The following PTPRT variants were observed in gnomAD, a reference collection of about 807,000 sequenced individuals.
The protein encoded by PTPRT is protein tyrosine phosphatase receptor type T.
In PTPRT, 56 loss-of-function variants were observed where a neutral mutation model predicts 176.8. That is an observed-to-expected ratio of 0.32 (90% CI 0.26 to 0.40). The LOEUF is 0.40. Among genes scored for constraint, PTPRT ranks in the 10% least tolerant of loss-of-function variants. The pLI is 1.00. For missense variants in PTPRT, 1,540 were observed against 1,908.2 expected (o/e 0.81, Z 3.60); for synonymous variants, 783 against 739.0 (o/e 1.06, Z -0.96).
intron 1 of PTPRT, among the ~76,000 whole-genome samples, chr20:43,049,447 T>C (rs1484360467): frequency 6.6e-6 from 1 of 152,124 alleles, no homozygotes; most frequent in African/African-American, 2.4e-5. Context: ...TGCCAATGTA[T>C]TTCCCAAGAA....
intron 1 of PTPRT, among the ~76,000 whole-genome samples, chr20:43,046,818 T>C (rs1220035651): frequency 2.6e-5 from 4 of 152,170 alleles, no homozygotes; most frequent in East Asian, 3.9e-4. Flanking sequence ...AGCTCTGCTA[T>C]TGATGAAGGC....
chr20:42,379,523 T>C (rs1482266100), intron 9 of PTPRT, among the ~76,000 whole-genome samples: 3 of 152,218 alleles, frequency 2.0e-5, no homozygotes, highest in Admixed American at 6.5e-5. Flanking sequence ...CCTCTCACTC[T>C]TACTTTTCCT....
At chr20:42,683,484 G>A (rs944838001) in intron 6 of PTPRT, among the ~76,000 whole-genome samples, 1 of 152,064 alleles carries the variant, frequency 6.6e-6, no homozygotes, top group Non-Finnish European at 1.5e-5. Context: ...CTCCATGTTT[G>A]CCAGGCAGGT....
chr20:42,848,000 C>T lies in PTPRT; in HGVS notation c.214+37807G>A, dbSNP rs117569613. Among the ~76,000 whole-genome samples, 143 of 152,220 alleles carry T rather than the reference C, an allele frequency of 9.4e-4. No individual in the cohort carries two copies. The East Asian group carries it at 0.019, about 20-fold the overall frequency. ...CCTCACCCCCCTCCCACCCTTTCCCCGAGTCCCCAAAGTCATTGTGTCATT... is the reference window on the plus strand; with the variant it reads ...CCTCACCCCCCTCCCACCCTTTCCCTGAGTCCCCAAAGTCATTGTGTCATT... On this transcript the variant is annotated intron_variant, in intron 2 of 30. Transcript: ENST00000373187.
At chr20:42,110,226 T>G (rs903044183) in intron 23 of PTPRT, 107 bp downstream of exon 23, 3 of 1,058,850 alleles carry the variant, frequency 2.8e-6, no homozygotes, top group Non-Finnish European at 3.9e-6. Context: ...TTTTGTATCT[T>G]TCTTTAGTAG....
chr20:42,358,424 G>T (rs1318877282), intron 9 of PTPRT, among the ~76,000 whole-genome samples: 3 of 152,184 alleles, frequency 2.0e-5, no homozygotes, highest in Non-Finnish European at 4.4e-5. Flanking sequence ...TGGTGAGGGA[G>T]ATAGGTATGG....
chr20:42,633,977 ATTATATATTAT>A (rs2074497978), intron 7 of PTPRT, among the ~76,000 whole-genome samples: 10 of 34,516 alleles, frequency 2.9e-4, no homozygotes, highest in Non-Finnish European at 4.4e-4. Context: ...ATTATAATAT[ATTATATATTAT>A]ATTATATATA....
rs141772760 is a variant in PTPRT at position 42,563,209 on chromosome 20, T to C, written c.1154-90647A>G. Among the ~76,000 whole-genome samples the C allele has an allele frequency of 5.0e-3, 766 of 152,270 alleles. 6 individuals carry two copies. Among genetic ancestry groups the C allele is most frequent in the African/African-American group, 0.017 (691 of 41,554 alleles). On this transcript the variant is annotated intron_variant, in intron 7 of 30. Coordinates refer to ENST00000373187, the MANE Select transcript of PTPRT (RefSeq NM_007050.6). ...AGGGCTCTTGCAAAATAATAAGAGA[T>C]GTGTAAAGCTCCCCAAAGAAAAAAA...
At chr20:42,298,125 T>C (rs2057414540) in intron 12 of PTPRT, among the ~76,000 whole-genome samples, 1 of 152,134 alleles carries the variant, frequency 6.6e-6, no homozygotes, top group African/African-American at 2.4e-5. Context: ...AGTACTGATA[T>C]CTCTGATATA....
At chr20:42,675,049 A>G (rs2075477170) in intron 7 of PTPRT, among the ~76,000 whole-genome samples, 1 of 152,186 alleles carries the variant, frequency 6.6e-6, no homozygotes, top group African/African-American at 2.4e-5. Context: ...TACATGCAAC[A>G]CACACAGTTC....
At chr20:43,169,338 C>T (rs1347393274) in intron 1 of PTPRT, among the ~76,000 whole-genome samples, 1 of 152,168 alleles carries the variant, frequency 6.6e-6, no homozygotes, top group East Asian at 1.9e-4. Flanking sequence ...CTGACATTAT[C>T]ATTGTCATGA....
intron 7 of PTPRT, among the ~76,000 whole-genome samples, chr20:42,515,988 G>T (rs1267971430): frequency 6.7e-6 from 1 of 148,762 alleles, no homozygotes; most frequent in Admixed American, 6.7e-5. Flanking sequence ...ATCATTCTCA[G>T]TAAACTATCA....
At chr20:42,644,238 C>T (rs563596439) in intron 7 of PTPRT, among the ~76,000 whole-genome samples, 6 of 152,208 alleles carry the variant, frequency 3.9e-5, no homozygotes, top group Admixed American at 3.3e-4. Flanking sequence ...CCTCTTAGGG[C>T]CTGCAGCCTC....
chr20:42,335,753 G>A (rs2058031280), intron 11 of PTPRT, among the ~76,000 whole-genome samples: 1 of 152,152 alleles, frequency 6.6e-6, no homozygotes, highest in African/African-American at 2.4e-5. Context: ...ATGGAGTTCT[G>A]TGGGAGGAAA....
chr20:42,209,251 GC>G (rs1189010531), intron 15 of PTPRT, among the ~76,000 whole-genome samples: 3 of 151,976 alleles, frequency 2.0e-5, no homozygotes, highest in African/African-American at 7.3e-5. Flanking sequence ...AAAAGCAAGA[GC>G]AAACACATTC....
intron 21 of PTPRT, among the ~76,000 whole-genome samples, chr20:42,115,765 C>G (rs894924971): frequency 2.6e-5 from 4 of 151,954 alleles, no homozygotes; most frequent in Non-Finnish European, 4.4e-5. Context: ...GTATCATCAG[C>G]TGAGCAAAGA....
At chr20:42,800,684 G>A (rs2077518355) in intron 2 of PTPRT, among the ~76,000 whole-genome samples, 1 of 152,178 alleles carries the variant, frequency 6.6e-6, no homozygotes, top group Non-Finnish European at 1.5e-5. Context: ...TGTTTGCCAT[G>A]CTCCATAGAA....
At chr20:42,687,605 C>G (rs982709518) in intron 6 of PTPRT, 3 of 152,176 alleles carry the variant, frequency 2.0e-5, no homozygotes, top group Non-Finnish European at 4.4e-5. Flanking sequence ...AAAGGAGGGG[C>G]TAGGAGAAGC....
chr20:42,300,128 G>A lies in PTPRT; in HGVS notation c.2139+15595C>T, dbSNP rs191680556. On this transcript the variant is annotated intron_variant, in intron 12 of 30. Transcript: ENST00000373187. ...AAAAAATTAGCTGGGCATGATGGCC[G>A]GTGCCTGTAATCCCAGCTACTCAGG... 1.1e-4 allele frequency among the ~76,000 whole-genome samples: 16 copies of A among 151,700 alleles called. No homozygotes were observed. In the East Asian group the frequency reaches 1.4e-3, roughly 13 times the overall value.
Sources: gnomAD v4.1 joint callset for allele counts (sites outside exome capture counted in the v4.1 genomes callset) on GRCh38, gnomAD v4.1.1 for gene constraint, MANE v1.5 for transcripts, NCBI Gene and HGNC (gene_info 2026-07-23, HGNC 2026-07-21) for gene names.